Variants in USP34 observed in about 807,000 individuals in gnomAD.
USP34 encodes the protein ubiquitin specific peptidase 34, also known as ubiquitin carboxyl-terminal hydrolase 34.
In USP34, 70 loss-of-function variants were observed where a neutral mutation model predicts 460.3. The ratio of observed to expected loss-of-function variants is 0.15; its 90% CI spans 0.13 to 0.19. The LOEUF is 0.19. USP34 is among the 10% of genes least tolerant of loss of function. USP34 has a pLI of 1.00. For missense variants in USP34, 3,985 were observed against 4,236.2 expected (o/e 0.94, Z 1.65); for synonymous variants, 1,647 against 1,405.3 (o/e 1.17, Z -3.85).
chr2:61,330,774 A>AT (rs144427881), intron 20 of USP34, among the ~76,000 whole-genome samples: 10,592 of 152,234 alleles, frequency 0.07, 479 homozygotes, highest in Admixed American at 0.11. Context: ...TCACTTGAAT[A>AT]TATCCAGAGA....
At chr2:61,239,822 C>T (rs1199196739) in intron 53 of USP34, among the ~76,000 whole-genome samples, 3 of 152,022 alleles carry the variant, frequency 2.0e-5, no homozygotes, top group Admixed American at 6.6e-5. Context: ...TCCTGGCTAA[C>T]ACAGTGAAAC....
chr2:61,335,558 G>T (rs1022278397), intron 18 of USP34, among the ~76,000 whole-genome samples: 1 of 152,188 alleles, frequency 6.6e-6, no homozygotes, highest in East Asian at 1.9e-4. Context: ...ACCAGCCAGG[G>T]AAACACAGTG....
chr2:61,211,098 G>A (rs1456511942), intron 69 of USP34, among the ~76,000 whole-genome samples: 1 of 152,066 alleles, frequency 6.6e-6, no homozygotes, highest in Non-Finnish European at 1.5e-5. Flanking sequence ...GCTTTCCAAA[G>A]AAGACAATCT....
chr2:61,326,734 C>G (rs1250452771), intron 20 of USP34, among the ~76,000 whole-genome samples: 1 of 148,442 alleles, frequency 6.7e-6, no homozygotes, highest in Non-Finnish European at 1.5e-5. Context: ...AGTGGCTGGT[C>G]TATGCTCTGA....
chr2:61,189,016 G>A lies in USP34; in HGVS notation c.9927C>T (p.Asn3309=), dbSNP rs577828703. Residue 3309 remains asparagine, a synonymous_variant, in exon 79 of 80, where the codon AAC becomes AAT. Transcript: ENST00000398571. The part of the protein sequence containing the change: ...LLSVHTPKQL[N]PALIPTLQEL... ...CTTGCAGAGTTGGAATTAGAGCTGGGTTTAACTGTTTGGGAGTGTGTACTG... is the reference window on the plus strand; with the variant it reads ...CTTGCAGAGTTGGAATTAGAGCTGGATTTAACTGTTTGGGAGTGTGTACTG... The A allele has an allele frequency of 9.3e-6, 15 of 1,614,204 alleles. No individual in the cohort carries two copies. Among genetic ancestry groups the A allele is most frequent in the South Asian group, 7.7e-5 (7 of 91,088 alleles).
At position 61,348,512 on chromosome 2, in the gene USP34, T is replaced by C. The variant is rs13396895; in HGVS notation, c.1675-32A>G. ...TTTGAAACAAATAGATTTAAATAAA[T>C]ATTTAAACCAGTAAGAAAAAAGGTA... On this transcript the variant is annotated intron_variant, in intron 14 of 79. Coordinates refer to ENST00000398571, the MANE Select transcript of USP34 (RefSeq NM_014709.4). 117 of 1,577,842 alleles carry C rather than the reference T, an allele frequency of 7.4e-5. No individual in the cohort carries two copies. In the African/African-American group the frequency reaches 1.2e-3, roughly 16 times the overall value.
chr2:61,237,723 C>A (rs1051187735), intron 53 of USP34, among the ~76,000 whole-genome samples: 13 of 151,158 alleles, frequency 8.6e-5, no homozygotes, highest in African/African-American at 3.2e-4. Flanking sequence ...TGCGTGCCAC[C>A]ATGCCCAGCT....
chr2:61,433,229 C>T (rs1694726196), intron 1 of USP34, among the ~76,000 whole-genome samples: 1 of 152,160 alleles, frequency 6.6e-6, no homozygotes. Context: ...CTCCCCTCAC[C>T]CAGATGGGAT....
chr2:61,356,653 T>C (rs1320813225), intron 10 of USP34, among the ~76,000 whole-genome samples: 1 of 152,162 alleles, frequency 6.6e-6, no homozygotes, highest in African/African-American at 2.4e-5. Flanking sequence ...ATCAGAAACC[T>C]AGACTACTCA....
At chr2:61,262,399 A>G (rs558787433) in intron 43 of USP34, among the ~76,000 whole-genome samples, 2 of 152,226 alleles carry the variant, frequency 1.3e-5, no homozygotes, top group East Asian at 1.9e-4. Context: ...TATGTACTCA[A>G]TATTTAGCTC....
At chr2:61,222,694 T>C (rs1327909524) in intron 64 of USP34, 31 bp from the exon 65 acceptor site, 1 of 1,603,088 alleles carries the variant, frequency 6.2e-7, no homozygotes, top group East Asian at 2.2e-5. Context: ...TTTCAGGATA[T>C]TCTTGTTTTG....
chr2:61,405,232 C>CA (rs199659618), intron 3 of USP34, among the ~76,000 whole-genome samples: 90 of 78,032 alleles, frequency 1.2e-3, no homozygotes, highest in Non-Finnish European at 1.3e-3. Flanking sequence ...GACTCCATCT[C>CA]AAAAAAAAAA....
intron 1 of USP34, among the ~76,000 whole-genome samples, chr2:61,455,907 A>G (rs550580962): frequency 2.0e-5 from 3 of 152,302 alleles, no homozygotes; most frequent in African/African-American, 7.2e-5. Flanking sequence ...GAACTTAGCC[A>G]AAGTCAGAGA....
At chr2:61,314,418 G>T (rs985617436) in intron 25 of USP34, among the ~76,000 whole-genome samples, 167 bp downstream of exon 25, 10 of 152,066 alleles carry the variant, frequency 6.6e-5, no homozygotes, top group Admixed American at 3.3e-4. Context: ...AGGCAAAATG[G>T]TATATATTCT....
chr2:61,297,672 T>C, intron 29 of USP34, among the ~76,000 whole-genome samples: 1 of 152,214 alleles, frequency 6.6e-6, no homozygotes, highest in Non-Finnish European at 1.5e-5. Context: ...GGATATTCTA[T>C]AAGCCTATAA....
chr2:61,197,863 G>A (rs544338668), intron 75 of USP34, among the ~76,000 whole-genome samples: 5 of 152,298 alleles, frequency 3.3e-5, no homozygotes, highest in South Asian at 4.1e-4. Context: ...AGGTTCAAAC[G>A]GTTCTCCTGC....
rs1469287646 is a variant in USP34 at position 61,306,119 on chromosome 2, C to A, written c.3818-4665G>T. Among the ~76,000 whole-genome samples the A allele has an allele frequency of 2.0e-5, 3 of 152,198 alleles. No homozygotes were observed. In the East Asian group the frequency reaches 5.8e-4, roughly 29 times the overall value. The stretch of plus-strand genomic sequence containing the variant: ...GTCTATTTTGGCTTTGTTGCCATTG[C>A]TTTTGGTGTTTTGGACATGAAGTCC... On this transcript the variant is annotated intron_variant, in intron 27 of 79. Transcript: ENST00000398571.
intron 1 of USP34, among the ~76,000 whole-genome samples, chr2:61,450,282 G>A (rs1182882446): frequency 6.6e-6 from 1 of 152,136 alleles, no homozygotes; most frequent in African/African-American, 2.4e-5. Context: ...CTACTGAAAT[G>A]GGAAGTAGCT....
chr2:61,240,360 G>A (rs1213803864), intron 53 of USP34, among the ~76,000 whole-genome samples: 1 of 151,898 alleles, frequency 6.6e-6, no homozygotes, highest in Non-Finnish European at 1.5e-5. Context: ...TGCGATCTCG[G>A]CTCCGCCTCC....
Sources: allele counts gnomAD v4.1 joint callset (sites outside exome capture counted in the v4.1 genomes callset), GRCh38; gene constraint gnomAD v4.1.1; transcripts MANE v1.5; gene names NCBI Gene and HGNC (gene_info 2026-07-23, HGNC 2026-07-21).